WARS1: variants seen among roughly 807,000 people sequenced by gnomAD.
WARS1 encodes tryptophan--tRNA ligase, cytoplasmic.
A neutral mutation model predicts 47.8 loss-of-function variants in WARS1; 17 were observed. The observed-to-expected ratio is 0.36, with a 90% CI of 0.24 to 0.53. WARS1 has a LOEUF of 0.53. WARS1 is among the 20% of genes least tolerant of loss of function. The probability of loss-of-function intolerance (pLI) is 0.91; values close to 1 mark genes in which losing one functional copy is unlikely to be tolerated. For missense variants in WARS1, 434 were observed against 608.0 expected, an observed-to-expected ratio of 0.71 and a Z score of 3.01; for synonymous variants, 208 against 228.1, an observed-to-expected ratio of 0.91 and a Z score of 0.79.
At chr14:100,365,835 C>T (rs1895952210) in intron 2 of WARS1, 1 of 342,886 alleles carries the variant, frequency 2.9e-6, no homozygotes, top group Admixed American at 3.7e-5. Context: ...ATGATCAGTG[C>T]CTAACAGCAT....
intron 6 of WARS1, among the ~76,000 whole-genome samples, chr14:100,348,653 TCA>T (rs1307584085): frequency 6.6e-6 from 1 of 152,084 alleles, no homozygotes; most frequent in Non-Finnish European, 1.5e-5. Flanking sequence ...GCAGCAGGAC[TCA>T]CAGCCAGTAA....
At chr14:100,357,464 A>ATT (rs775785412) in intron 4 of WARS1, among the ~76,000 whole-genome samples, 33 of 145,424 alleles carry the variant, frequency 2.3e-4, no homozygotes, top group African/African-American at 7.5e-4. Flanking sequence ...CATCAATTGT[A>ATT]TTTTTTTTTT....
At chr14:100,354,235 C>A (rs1895172343) in intron 5 of WARS1, 1 of 601,620 alleles carries the variant, frequency 1.7e-6, no homozygotes, top group African/African-American at 1.9e-5. Context: ...GCAGGCCTGG[C>A]TGACTCCAAA....
At position 100,360,805 on chromosome 14, in the gene WARS1, C is replaced by T. The variant is rs2234523; in HGVS notation, c.314-143G>A. The T allele has an allele frequency of 6.4e-4, 327 of 510,942 alleles. 2 individuals are homozygous for T. Among genetic ancestry groups the T allele is most frequent in the African/African-American group, 5.9e-3 (307 of 51,990 alleles). The allele number at this position is 510,942 out of a possible 1,614,324, so 31.7% of individuals were successfully genotyped here. On this transcript the variant is annotated intron_variant, in intron 3 of 10. Coordinates refer to ENST00000392882, the MANE Select transcript of WARS1 (RefSeq NM_004184.4). ...TTAGGCCTTCTGCTAAAGGTCCTTA[C>T]CCCCAACATGAAGTAAAAGGTCTTT...
chr14:100,367,084 G>T (rs1188729792), intron 2 of WARS1, among the ~76,000 whole-genome samples: 1 of 152,052 alleles, frequency 6.6e-6, no homozygotes, highest in Non-Finnish European at 1.5e-5. Flanking sequence ...GGGTGGTACT[G>T]TACCTATGAG....
chr14:100,346,510 G>A (rs1158853562), intron 7 of WARS1, among the ~76,000 whole-genome samples: 2 of 152,204 alleles, frequency 1.3e-5, no homozygotes, highest in Non-Finnish European at 2.9e-5. Context: ...GAGAGGGACA[G>A]ACTCACATCC....
chr14:100,348,613 C>T (rs970002077), intron 6 of WARS1, among the ~76,000 whole-genome samples: 5 of 152,164 alleles, frequency 3.3e-5, no homozygotes, highest in Admixed American at 6.5e-5. Context: ...CCAAGAACAC[C>T]GCAGGCAGGG....
At chr14:100,342,193 C>A in intron 9 of WARS1, 1 of 680,196 alleles carries the variant, frequency 1.5e-6, no homozygotes, top group Non-Finnish European at 2.6e-6. Flanking sequence ...TGAAAGGACA[C>A]AAAACAAATT....
Position 100,353,581 on chromosome 14 carries a change from T to C in WARS1, c.725+106A>G, listed in dbSNP as rs538494062. 4 of 1,344,764 alleles carry C rather than the reference T, an allele frequency of 3.0e-6. No homozygotes were observed. In the African/African-American group the frequency reaches 4.4e-5, roughly 15 times the overall value. 83.3% of individuals were successfully genotyped at this position (1,344,764 alleles called of 1,614,324 possible). The stretch of plus-strand genomic sequence containing the variant: ...CATTTAATAAAGGAAGAAGAACATT[T>C]ACTAGGCCTTAAGACCATTTCAGTT... On this transcript the variant is annotated intron_variant, in intron 6 of 10. Transcript: ENST00000392882.
At chr14:100,361,110 C>T (rs974025667) in intron 3 of WARS1, among the ~76,000 whole-genome samples, 6 of 152,170 alleles carry the variant, frequency 3.9e-5, no homozygotes, top group Non-Finnish European at 7.3e-5. Flanking sequence ...AGTGAATTTT[C>T]CCTCATTGAT....
intron 9 of WARS1, 54 bp from the exon 10 acceptor site, chr14:100,337,256 G>C (rs1893805754): frequency 1.3e-6 from 2 of 1,588,478 alleles, no homozygotes; most frequent in Non-Finnish European, 8.6e-7. Flanking sequence ...TCCTGTGCCT[G>C]GACACTGGCT....
At chr14:100,366,597 T>C in intron 2 of WARS1, 1 of 703,684 alleles carries the variant, frequency 1.4e-6, no homozygotes, top group East Asian at 2.5e-5. Flanking sequence ...GAGAGTTGAG[T>C]GTCCTGAGAG....
chr14:100,353,674 G>A lies in WARS1; in HGVS notation c.725+13C>T, dbSNP rs370448170. The A allele has an allele frequency of 3.3e-4, 538 of 1,612,032 alleles. No homozygotes were observed. The highest frequency in any genetic ancestry group is 7.2e-4 in the Admixed American group (43 of 59,748). On this transcript the variant is annotated intron_variant, in intron 6 of 10. Transcript: ENST00000392882. ...CTACCTATTGAAAAGGCAGCCAGAC[G>A]TTTTCTCCTTACCCCATGTAGTCCA...
chr14:100,350,399 GAA>G (rs56393656), intron 6 of WARS1, among the ~76,000 whole-genome samples: 7 of 112,154 alleles, frequency 6.2e-5, no homozygotes, highest in South Asian at 2.9e-4. Flanking sequence ...CTCAAAAAAA[GAA>G]AAAAAAAAAA....
chr14:100,360,097 C>T (rs1023847912), intron 4 of WARS1, among the ~76,000 whole-genome samples: 5 of 152,112 alleles, frequency 3.3e-5, no homozygotes, highest in East Asian at 3.8e-4. Context: ...GCCTAAGGTA[C>T]AGATAATCTG....
intron 9 of WARS1, among the ~76,000 whole-genome samples, 170 bp from the exon 10 acceptor site, chr14:100,337,372 A>T (rs527493061): frequency 6.6e-6 from 1 of 152,124 alleles, no homozygotes; most frequent in Non-Finnish European, 1.5e-5. Context: ...TGGGGGACCC[A>T]CTGCTGTTCT....
In WARS1 at chr14:100,369,074, C is replaced by A; in HGVS notation, c.99+13G>T. ...TCAGCTGCCTTCGTGGAGAACCCAG[C>A]AAAATCATGTACCTTTGACGCATTT... On this transcript the variant is annotated intron_variant, in intron 2 of 10. Transcript: ENST00000392882. 2 of 1,515,096 alleles carry A rather than the reference C, an allele frequency of 1.3e-6. No individual in the cohort carries two copies. The highest frequency in any genetic ancestry group is 2.5e-5 in the South Asian group (2 of 78,956). 93.9% of individuals were successfully genotyped at this position (1,515,096 alleles called of 1,614,324 possible).
At chr14:100,376,073 C>T (rs1428781110), upstream of WARS1, 1 of 157,604 alleles carries the variant, frequency 6.3e-6, no homozygotes, top group Non-Finnish European at 1.4e-5. Flanking sequence ...GTCGGCGGCG[C>T]TCAGAGGAAA....
intron 8 of WARS1, 69 bp downstream of exon 8, chr14:100,343,206 G>A (rs928533796): frequency 1.2e-5 from 16 of 1,339,684 alleles, no homozygotes; most frequent in African/African-American, 7.4e-5. Flanking sequence ...ACCTCTCCCC[G>A]CTGAAGAGTA....
Sources: gnomAD v4.1 joint callset for allele counts (sites outside exome capture counted in the v4.1 genomes callset) on GRCh38, gnomAD v4.1.1 for gene constraint, MANE v1.5 for transcripts, NCBI Gene and HGNC (gene_info 2026-07-23, HGNC 2026-07-21) for gene names.